LIPA: variants seen among roughly 807,000 people sequenced by gnomAD.
The protein encoded by LIPA is lysosomal acid lipase/cholesteryl ester hydrolase.
Under a neutral mutation model 40.6 loss-of-function variants are expected in LIPA, and 26 were observed. That is an observed-to-expected ratio of 0.64 (90% CI 0.47 to 0.89). The LOEUF (loss-of-function observed/expected upper bound fraction) is 0.89. Among genes scored for constraint, LIPA ranks in the 40% least tolerant of loss-of-function variants. LIPA has a pLI of 0.00. For synonymous variants in LIPA, 188 were observed against 168.4 expected (o/e 1.12, Z -0.90); for missense variants, 455 against 479.6 (o/e 0.95, Z 0.48).
chr10:89,247,078 C>T (rs959231910), intron 2 of LIPA, among the ~76,000 whole-genome samples: 9 of 151,942 alleles, frequency 5.9e-5, no homozygotes, highest in African/African-American at 1.9e-4. Context: ...ATCTAAGATT[C>T]AGAGAAATTG....
chr10:89,339,060 T>C, intron 1 of LIPA: 2 of 1,614,094 alleles, frequency 1.2e-6, no homozygotes, highest in East Asian at 4.5e-5. Flanking sequence ...GTATTGAGTA[T>C]TCTGAACTTG....
At chr10:89,391,511 C>T (rs940204770) in intron 2 of LIPA, among the ~76,000 whole-genome samples, 3 of 152,164 alleles carry the variant, frequency 2.0e-5, no homozygotes, top group African/African-American at 7.2e-5. Context: ...CCAATGCACC[C>T]GGACAACAAT....
At chr10:89,412,984 A>C (rs1040857831) in intron 1 of LIPA, 2 of 181,934 alleles carry the variant, frequency 1.1e-5, no homozygotes, top group South Asian at 7.7e-5. Context: ...TCACTTAGCT[A>C]TACTTCTTGA....
chr10:89,286,972 G>T (rs1843344438), intron 1 of LIPA, among the ~76,000 whole-genome samples: 1 of 152,218 alleles, frequency 6.6e-6, no homozygotes, highest in Non-Finnish European at 1.5e-5. Flanking sequence ...CTTGCTTCAA[G>T]TGCCAGAAAT....
At chr10:89,227,169 T>C (rs1187889591) in intron 4 of LIPA, 165 bp from the exon 5 acceptor site, 4 of 639,746 alleles carry the variant, frequency 6.3e-6, no homozygotes, top group Non-Finnish European at 1.1e-5. Flanking sequence ...CCCCTTGGGC[T>C]CTCTTCCAGT....
intron 8 of LIPA, among the ~76,000 whole-genome samples, chr10:89,221,217 A>C (rs1236985548): frequency 6.6e-6 from 1 of 152,096 alleles, no homozygotes; most frequent in African/African-American, 2.4e-5. Flanking sequence ...ACCTCAATAA[A>C]AAATTTTTTT....
intron 1 of LIPA, chr10:89,332,621 T>C: frequency 6.2e-7 from 1 of 1,614,094 alleles, no homozygotes; most frequent in South Asian, 1.1e-5. Flanking sequence ...GAAACAGCCA[T>C]CATGAGGTAA....
rs77133999 is a variant in LIPA at position 89,238,773 on chromosome 10, A to G, written c.229+6903T>C. 7.2e-3 allele frequency among the ~76,000 whole-genome samples: 1,092 copies of G among 152,334 alleles called. 11 individuals carry two copies. The highest frequency in any genetic ancestry group is 0.025 in the African/African-American group (1,052 of 41,564). Reference sequence around the variant, plus strand: ...CTAGCTTACTTATTGTATATATGGAATATAATACATATAACATATAAAATA... The same window carrying G: ...CTAGCTTACTTATTGTATATATGGAGTATAATACATATAACATATAAAATA... On this transcript the variant is annotated intron_variant, in intron 3 of 9. Transcript: ENST00000336233.
intron 9 of LIPA, among the ~76,000 whole-genome samples, chr10:89,215,389 T>C (rs1842612482): frequency 6.6e-6 from 1 of 152,156 alleles, no homozygotes; most frequent in South Asian, 2.1e-4. Flanking sequence ...TGGAAAGAGT[T>C]TGGGGTCATG....
At chr10:89,316,977 A>G (rs1162994206) in intron 1 of LIPA, among the ~76,000 whole-genome samples, 1 of 152,254 alleles carries the variant, frequency 6.6e-6, no homozygotes, top group Non-Finnish European at 1.5e-5. Flanking sequence ...GCAAACTCCA[A>G]CAGACCTGCA....
chr10:89,223,849 C>G lies in LIPA; in HGVS notation c.676-19G>C. On this transcript the variant is annotated intron_variant, in intron 6 of 9. Transcript: ENST00000336233. ...ATAAGTCCTACAAAATAAAAAGAAA[C>G]CCAAGAACATCTCAGCATTTCACTC... 1 of 1,613,428 alleles carries G rather than the reference C, an allele frequency of 6.2e-7. No homozygotes were observed. Among genetic ancestry groups the G allele is most frequent in the Admixed American group, 1.7e-5 (1 of 59,998 alleles).
chr10:89,320,745 A>T (rs1467055989), intron 1 of LIPA, among the ~76,000 whole-genome samples: 1 of 152,276 alleles, frequency 6.6e-6, no homozygotes, highest in Non-Finnish European at 1.5e-5. Flanking sequence ...ACCAAAATAG[A>T]GCCTGCATTG....
At chr10:89,274,088 T>C (rs924395159) in intron 1 of LIPA, among the ~76,000 whole-genome samples, 1 of 152,192 alleles carries the variant, frequency 6.6e-6, no homozygotes. Context: ...CTGGGATCCA[T>C]GAGACACATA....
At chr10:89,248,651 AT>A (rs373931086) in intron 1 of LIPA, among the ~76,000 whole-genome samples, 241 of 137,686 alleles carry the variant, frequency 1.8e-3, no homozygotes, top group East Asian at 2.8e-3. Flanking sequence ...ATTTTTTTGT[AT>A]TTTTTTTTTT....
intron 2 of LIPA, chr10:89,402,318 G>A: frequency 6.2e-7 from 1 of 1,613,768 alleles, no homozygotes; most frequent in Non-Finnish European, 8.5e-7. Flanking sequence ...GGATAGTCTG[G>A]AGCAATTGAG....
rs1378658364 is a variant in LIPA, at chr10:89,223,788, A to G, written c.718T>C (p.Leu240=). The change falls in exon 7 of 10, where the codon TTG becomes CTG. Residue 240 remains leucine, a synonymous_variant. Transcript: ENST00000336233. ...CAAACGTGGGTACCCAGCCACTTCA[A>G]AAACGCACTCTGGGGAAGAAATTCT... ...DKEFLPQSAF[L]KWLGTHVCTH... The G allele has an allele frequency of 1.2e-6, 2 of 1,614,172 alleles. No homozygotes were observed. The highest frequency in any genetic ancestry group is 3.3e-5 in the Admixed American group (2 of 60,034).
At chr10:89,373,894 G>A (rs1844106619) in intron 2 of LIPA, among the ~76,000 whole-genome samples, 1 of 152,110 alleles carries the variant, frequency 6.6e-6, no homozygotes, top group Admixed American at 6.6e-5. Flanking sequence ...ACCATATCCT[G>A]AGTAGCAAAA....
intron 1 of LIPA, among the ~76,000 whole-genome samples, chr10:89,304,138 A>C (rs1843462938): frequency 6.6e-6 from 1 of 152,186 alleles, no homozygotes; most frequent in Non-Finnish European, 1.5e-5. Flanking sequence ...ATAAACAAAC[A>C]AACAAACAAA....
intron 1 of LIPA, among the ~76,000 whole-genome samples, chr10:89,296,267 G>T (rs186597294): frequency 7.2e-4 from 110 of 152,168 alleles, no homozygotes; most frequent in African/African-American, 2.6e-3. Flanking sequence ...CCCAAGGCGG[G>T]CAGATCCCTT....
Sources: allele counts gnomAD v4.1 joint callset (sites outside exome capture counted in the v4.1 genomes callset), GRCh38; gene constraint gnomAD v4.1.1; transcripts MANE v1.5; gene names NCBI Gene and HGNC (gene_info 2026-07-23, HGNC 2026-07-21).